MDM2: variants seen among roughly 807,000 people sequenced by gnomAD.
MDM2 encodes MDM2 proto-oncogene, also known as E3 ubiquitin-protein ligase Mdm2.
Under a neutral mutation model 64.3 loss-of-function variants are expected in MDM2, and 11 were observed. That is an observed-to-expected ratio of 0.17 (90% confidence interval 0.11 to 0.28). The LOEUF (loss-of-function observed/expected upper bound fraction) is 0.28. Among genes scored for constraint, MDM2 ranks in the 10% least tolerant of loss-of-function variants. The pLI, the probability that MDM2 is intolerant of heterozygous loss-of-function variation, is 1.00. For synonymous variants in MDM2, 194 were observed against 192.9 expected (o/e 1.01, Z -0.05); for missense variants, 388 against 577.1 (o/e 0.67, Z 3.36).
intron 8 of MDM2, among the ~76,000 whole-genome samples, chr12:68,829,604 G>A (rs995151156): frequency 3.3e-5 from 5 of 151,898 alleles, no homozygotes; most frequent in African/African-American, 1.2e-4. Flanking sequence ...TGTCTTTACT[G>A]AAAATACAAA....
At chr12:68,828,588 T>A (rs772865412) in intron 7 of MDM2, 183 bp from the exon 8 acceptor site, 21 of 529,852 alleles carry the variant, frequency 4.0e-5, no homozygotes, top group Admixed American at 6.4e-5. Context: ...AATAAATAAA[T>A]AAACAAATAA....
intron 7 of MDM2, among the ~76,000 whole-genome samples, chr12:68,827,014 A>C (rs1439070960): frequency 6.6e-6 from 1 of 152,102 alleles, no homozygotes; most frequent in African/African-American, 2.4e-5. Flanking sequence ...GTCTCTACTA[A>C]AAATACAAAA....
chr12:68,836,639 G>T (rs767426126), intron 9 of MDM2, 33 bp from the exon 10 acceptor site: 35 of 1,454,408 alleles, frequency 2.4e-5, no homozygotes, highest in Non-Finnish European at 1.2e-5. Flanking sequence ...GAAATAGGGC[G>T]ATGAATTGAT....
At chr12:68,829,227 A>C (rs1293948159) in intron 8 of MDM2, among the ~76,000 whole-genome samples, 1 of 151,962 alleles carries the variant, frequency 6.6e-6, no homozygotes, top group African/African-American at 2.4e-5. Context: ...CTGCACCAAT[A>C]GTACAGTCAA....
chr12:68,821,343 G>A lies in MDM2; in HGVS notation c.358+969G>A, dbSNP rs3730547. The stretch of plus-strand genomic sequence containing the variant: ...TTACAGGTATGAGCCACTGCACCCG[G>A]TCTCACAGTTTGCTTTTGAGTGCTG... On this transcript the variant is annotated intron_variant, in intron 5 of 10. Transcript: ENST00000258149. Among the ~76,000 whole-genome samples, 466 of 152,112 alleles carry A rather than the reference G, an allele frequency of 3.1e-3. 4 individuals are homozygous for A. The highest frequency in any genetic ancestry group is 0.011 in the African/African-American group (443 of 41,496).
intron 7 of MDM2, chr12:68,828,300 A>G (rs3730599): frequency 6.6e-6 from 1 of 152,468 alleles, no homozygotes; most frequent in African/African-American, 2.4e-5. Flanking sequence ...ACTTTATTAG[A>G]TAGATTAAAT....
In MDM2 at chr12:68,813,611, A is replaced by T. The variant is rs1487823798; in HGVS notation, c.157A>T (p.Thr53Ser). 6.2e-7 allele frequency: 1 copy of T among 1,613,050 alleles called. No homozygotes were observed. ...LLKSVGAQKD[T>S]YTMKEVLFYL... is the part of the protein sequence containing the mutation. ...AAAGTCTGTTGGTGCACAAAAAGAC[A>T]CTTATACTATGAAAGAGGTAAGCTG... The change falls in exon 3 of 11, where the codon ACT becomes TCT. Residue 53 changes from threonine to serine, a missense_variant. Coordinates refer to ENST00000258149, the MANE Select transcript of MDM2 (RefSeq NM_002392.6).
intron 3 of MDM2, 54 bp from the exon 4 acceptor site, chr12:68,816,758 T>G: frequency 1.4e-6 from 2 of 1,423,360 alleles, no homozygotes; most frequent in East Asian, 2.3e-5. Flanking sequence ...TTAAATGTAT[T>G]TACAACTAAC....
At chr12:68,826,292 TA>T (rs1882313618) in intron 7 of MDM2, among the ~76,000 whole-genome samples, 1 of 152,164 alleles carries the variant, frequency 6.6e-6, no homozygotes, top group African/African-American at 2.4e-5. Context: ...TTAGCACTGA[TA>T]AACTGTTGGT....
intron 2 of MDM2, among the ~76,000 whole-genome samples, chr12:68,811,526 A>G (rs899224539): frequency 1.3e-5 from 2 of 150,476 alleles, no homozygotes; most frequent in Admixed American, 6.6e-5. Context: ...TACAAATGCT[A>G]TTATCTTTTA....
chr12:68,835,854 A>G lies in MDM2; in HGVS notation c.710A>G (p.His237Arg). 1 of 1,613,050 alleles carries G rather than the reference A, an allele frequency of 6.2e-7. No homozygotes were observed. Among genetic ancestry groups the G allele is most frequent in the Non-Finnish European group, 8.5e-7 (1 of 1,179,456 alleles). ...GATCTTGATGCTGGTGTAAGTGAAC[A>G]TTCAGGTGATTGGTTGGATCAGGAT... ...NPDLDAGVSE[H>R]SGDWLDQDSV... is the part of the protein sequence containing the mutation. Residue 237 changes from histidine to arginine, a missense_variant, in exon 9 of 11, where the codon CAT (histidine) becomes CGT (arginine). Around this residue, in one of 5 missense-constraint regions of MDM2, gnomAD observed 168 missense variants for 236.6 expected, o/e 0.71. Coordinates refer to ENST00000258149, the MANE Select transcript of MDM2 (RefSeq NM_002392.6).
chr12:68,831,056 T>A (rs1882751208), intron 8 of MDM2, among the ~76,000 whole-genome samples: 2 of 152,194 alleles, frequency 1.3e-5, no homozygotes, highest in African/African-American at 4.8e-5. Context: ...CTGAATGATA[T>A]TTAGAGTCCT....
At chr12:68,814,715 C>T (rs976855000) in intron 3 of MDM2, 3 of 224,290 alleles carry the variant, frequency 1.3e-5, no homozygotes, top group Non-Finnish European at 2.8e-5. Flanking sequence ...ACCATATATT[C>T]TATCTAATGG....
At chr12:68,813,100 A>C (rs1446866449) in intron 2 of MDM2, among the ~76,000 whole-genome samples, 4 of 152,154 alleles carry the variant, frequency 2.6e-5, no homozygotes, top group Non-Finnish European at 5.9e-5. Flanking sequence ...CTGGGTTGTT[A>C]TCTCTGATCT....
chr12:68,814,218 A>G (rs1881157281), intron 3 of MDM2, among the ~76,000 whole-genome samples: 1 of 151,952 alleles, frequency 6.6e-6, no homozygotes, highest in South Asian at 2.1e-4. Flanking sequence ...ACGCCTGGCT[A>G]ATTTTTTGTC....
chr12:68,826,268 T>TA (rs1474328479), intron 7 of MDM2, among the ~76,000 whole-genome samples: 1 of 152,174 alleles, frequency 6.6e-6, no homozygotes, highest in East Asian at 1.9e-4. Flanking sequence ...TCATCAGTGC[T>TA]AATAACTTGT....
At chr12:68,826,552 G>A (rs1175532412) in intron 7 of MDM2, among the ~76,000 whole-genome samples, 1 of 150,922 alleles carries the variant, frequency 6.6e-6, no homozygotes, top group Non-Finnish European at 1.5e-5. Flanking sequence ...GGGAGGCTGA[G>A]GCAGGAGAAT....
Position 68,844,238 on chromosome 12 carries a change from A to G in MDM2, c.*4389A>G, listed in dbSNP as rs962834166. On this transcript the variant is annotated 3_prime_UTR_variant, in exon 11 of 11. Coordinates refer to ENST00000258149, the MANE Select transcript of MDM2 (RefSeq NM_002392.6). ...TTTATGAGTTGTTAAAATAGAAATTATTTGAATATCATATATTTGGGTAAC... is the reference window on the plus strand; with the variant it reads ...TTTATGAGTTGTTAAAATAGAAATTGTTTGAATATCATATATTTGGGTAAC... The G allele has an allele frequency of 1.4e-5, 3 of 213,152 alleles. No homozygotes were observed. The highest frequency in any genetic ancestry group is 2.8e-5 in the Non-Finnish European group (3 of 105,588). The allele number at this position is 213,152 out of a possible 1,614,324, so 13.2% of individuals were successfully genotyped here. A position where few individuals can be genotyped will look rare whatever the true frequency, so the allele number is the denominator to read the frequency against.
At chr12:68,814,972 C>G (rs1031499121) in intron 3 of MDM2, among the ~76,000 whole-genome samples, 3 of 152,172 alleles carry the variant, frequency 2.0e-5, no homozygotes, top group African/African-American at 7.2e-5. Flanking sequence ...TAGAAACTTC[C>G]TTAAAGGATG....
Sources: gnomAD v4.1 joint callset for allele counts (sites outside exome capture counted in the v4.1 genomes callset) on GRCh38, gnomAD v4.1.1 for gene constraint, gnomAD v4.1.1 regional missense constraint, MANE v1.5 for transcripts, NCBI Gene and HGNC (gene_info 2026-07-23, HGNC 2026-07-21) for gene names.